Variants in CCSER1 observed in about 807,000 individuals in gnomAD.
CCSER1 encodes the protein serine-rich coiled-coil domain-containing protein 1.
A neutral mutation model predicts 82.0 loss-of-function variants in CCSER1; 41 were observed. The observed-to-expected ratio is 0.50, with a 90% CI of 0.39 to 0.65. The LOEUF (loss-of-function observed/expected upper bound fraction) is 0.65, where lower values mean the gene tolerates loss of function less well. Among genes scored for constraint, CCSER1 ranks in the 30% least tolerant of loss-of-function variants. The probability of loss-of-function intolerance (pLI) is 0.00; values close to 1 mark genes in which losing one functional copy is unlikely to be tolerated. For synonymous variants in CCSER1, 414 were observed against 383.9 expected (o/e 1.08, Z -0.92); for missense variants, 1,119 against 1,064.2 (o/e 1.05, Z -0.72).
intron 3 of CCSER1, among the ~76,000 whole-genome samples, chr4:90,335,446 A>G (rs932194889): frequency 2.6e-4 from 40 of 152,222 alleles, no homozygotes; most frequent in Non-Finnish European, 4.4e-5. Context: ...GTAGGTTGTC[A>G]GGATTTTCTT....
At chr4:91,475,913 G>A (rs920407085) in intron 10 of CCSER1, among the ~76,000 whole-genome samples, 17 of 151,680 alleles carry the variant, frequency 1.1e-4, no homozygotes, top group African/African-American at 3.9e-4. Flanking sequence ...TCTGTATCAG[G>A]CATATTTCAT....
At chr4:90,954,911 T>C (rs750508377) in intron 9 of CCSER1, among the ~76,000 whole-genome samples, 7 of 152,182 alleles carry the variant, frequency 4.6e-5, no homozygotes, top group Non-Finnish European at 1.0e-4. Flanking sequence ...TCTATATACA[T>C]GTATGCCCTA....
chr4:91,049,780 A>G (rs987201527), intron 9 of CCSER1, among the ~76,000 whole-genome samples: 1 of 152,186 alleles, frequency 6.6e-6, no homozygotes, highest in Non-Finnish European at 1.5e-5. Flanking sequence ...ATTTTATGCA[A>G]TTTTATGAAA....
At chr4:90,244,513 A>G (rs552497911) in intron 1 of CCSER1, among the ~76,000 whole-genome samples, 11 of 152,326 alleles carry the variant, frequency 7.2e-5, no homozygotes, top group African/African-American at 2.6e-4. Flanking sequence ...TGGGTAATTT[A>G]TAAAGGAAAG....
intron 9 of CCSER1, among the ~76,000 whole-genome samples, chr4:91,082,899 A>T (rs563084202): frequency 5.3e-5 from 8 of 152,348 alleles, no homozygotes; most frequent in East Asian, 1.9e-4. Flanking sequence ...ATCATTAAAA[A>T]GTCAGGAAAC....
intron 10 of CCSER1, among the ~76,000 whole-genome samples, chr4:91,561,415 T>C (rs1762646311): frequency 6.6e-6 from 1 of 151,490 alleles, no homozygotes; most frequent in East Asian, 1.9e-4. Flanking sequence ...GGGCTGCCTC[T>C]ACTCATGATT....
chr4:91,494,292 C>A (rs1256130836), intron 10 of CCSER1, among the ~76,000 whole-genome samples: 1 of 151,726 alleles, frequency 6.6e-6, no homozygotes, highest in African/African-American at 2.4e-5. Context: ...GTGGGCAACC[C>A]AGGAGAATAG....
Position 90,748,664 on chromosome 4 carries a change from G to T in CCSER1, c.2010+24673G>T, listed in dbSNP as rs1456593630. On this transcript the variant is annotated intron_variant, in intron 7 of 10. Transcript: ENST00000509176. ...TTACAGTCCCACCAACAGTGTAAAAGTGTTCCTATTTCTCCACATCCTCTC... is the reference window on the plus strand; with the variant it reads ...TTACAGTCCCACCAACAGTGTAAAATTGTTCCTATTTCTCCACATCCTCTC... Among the ~76,000 whole-genome samples the T allele has an allele frequency of 4.4e-4, 65 of 146,280 alleles. 1 individual carries two copies. In the East Asian group the frequency reaches 0.011, roughly 24 times the overall value.
intron 1 of CCSER1, among the ~76,000 whole-genome samples, chr4:90,158,974 C>T (rs1183201339): frequency 6.6e-6 from 1 of 152,176 alleles, no homozygotes; most frequent in Non-Finnish European, 1.5e-5. Flanking sequence ...CTGCTTCACT[C>T]ACACTGGGAG....
chr4:91,295,529 T>C (rs1018117163), intron 10 of CCSER1, among the ~76,000 whole-genome samples: 2 of 151,892 alleles, frequency 1.3e-5, no homozygotes, highest in Non-Finnish European at 2.9e-5. Context: ...TACTGAAATA[T>C]GGGAAAGTAA....
intron 5 of CCSER1, among the ~76,000 whole-genome samples, chr4:90,477,571 A>G (rs774195250): frequency 5.3e-5 from 8 of 152,260 alleles, no homozygotes; most frequent in Admixed American, 2.6e-4. Flanking sequence ...ATGCTTTTAG[A>G]TATTTCCTCA....
rs562920288 is a variant in CCSER1, at chr4:91,085,172, T to C, written c.2173-778T>C. Reference sequence around the variant, plus strand: ...GTGATAAATGCATTGGTAATGCAAATATATAATTATTATTATGTGCTATTC... The same window carrying C: ...GTGATAAATGCATTGGTAATGCAAACATATAATTATTATTATGTGCTATTC... On this transcript the variant is annotated intron_variant, in intron 9 of 10. Coordinates refer to ENST00000509176, the MANE Select transcript of CCSER1 (RefSeq NM_001145065.2). Among the ~76,000 whole-genome samples the C allele has an allele frequency of 7.1e-4, 108 of 151,970 alleles. 1 individual carries two copies. Among genetic ancestry groups the C allele is most frequent in the Middle Eastern group, 3.4e-3 (1 of 292 alleles).
At chr4:90,886,419 C>A (rs1030863795) in intron 8 of CCSER1, among the ~76,000 whole-genome samples, 3 of 152,130 alleles carry the variant, frequency 2.0e-5, no homozygotes, top group Admixed American at 2.0e-4. Flanking sequence ...GCTACCTCCC[C>A]CAGAAATGCC....
chr4:90,810,787 A>C (rs1713317442), intron 7 of CCSER1, among the ~76,000 whole-genome samples: 1 of 151,754 alleles, frequency 6.6e-6, no homozygotes, highest in African/African-American at 2.4e-5. Flanking sequence ...GGGGTGTGCC[A>C]CTTGGCCAAA....
chr4:91,445,899 G>A (rs1560678308), intron 10 of CCSER1, among the ~76,000 whole-genome samples: 1 of 151,692 alleles, frequency 6.6e-6, no homozygotes, highest in Non-Finnish European at 1.5e-5. Context: ...TGTAAATTCT[G>A]CATCTGCCAC....
chr4:91,199,617 CAAG>C (rs1735739162), intron 10 of CCSER1, among the ~76,000 whole-genome samples: 1 of 151,884 alleles, frequency 6.6e-6, no homozygotes, highest in African/African-American at 2.4e-5. Flanking sequence ...CTCATGTCCT[CAAG>C]AAAAATGTTT....
chr4:90,235,940 A>G (rs1176171700), intron 1 of CCSER1, among the ~76,000 whole-genome samples: 1 of 152,144 alleles, frequency 6.6e-6, no homozygotes, highest in Non-Finnish European at 1.5e-5. Context: ...AAAAACATGC[A>G]AAATAAGTAA....
intron 10 of CCSER1, among the ~76,000 whole-genome samples, chr4:91,394,708 C>T (rs927224424): frequency 8.6e-5 from 13 of 151,996 alleles, no homozygotes; most frequent in African/African-American, 1.7e-4. Context: ...AAATTTAAAA[C>T]ACCAGCAAAA....
chr4:91,273,371 TA>T, intron 10 of CCSER1, among the ~76,000 whole-genome samples: 1 of 152,246 alleles, frequency 6.6e-6, no homozygotes, highest in Middle Eastern at 3.4e-3. Context: ...TCAGCTATTG[TA>T]AAAGGGGTTG....
Sources: gnomAD v4.1 joint callset for allele counts (sites outside exome capture counted in the v4.1 genomes callset) on GRCh38, gnomAD v4.1.1 for gene constraint, MANE v1.5 for transcripts, NCBI Gene and HGNC (gene_info 2026-07-23, HGNC 2026-07-21) for gene names.